Variants in DKK4 observed in about 807,000 individuals in gnomAD.
The protein encoded by DKK4 is dickkopf Wnt signaling pathway inhibitor 4.
In DKK4, 15 loss-of-function variants were observed where a neutral mutation model predicts 14.5. That is an observed-to-expected ratio of 1.03 (90% confidence interval 0.69 to 1.59). The LOEUF is 1.59. Among genes scored for constraint, DKK4 ranks in the 40% most tolerant of loss-of-function variants. The pLI, the probability that DKK4 is intolerant of heterozygous loss-of-function variation, is 0.00. For missense variants in DKK4, 272 were observed against 280.3 expected, an observed-to-expected ratio of 0.97 and a Z score of 0.21; for synonymous variants, 89 against 105.2, an observed-to-expected ratio of 0.85 and a Z score of 0.94.
chr8:42,388,471 C>A, the DKK4 span, among the ~76,000 whole-genome samples: 3 of 149,584 alleles, frequency 2.0e-5, no homozygotes, highest in Non-Finnish European at 4.4e-5. Context: ...CTCGGGTGAT[C>A]CACCCGCCCG....
At chr8:42,376,381 T>C (rs1426261956) in intron 1 of DKK4, among the ~76,000 whole-genome samples, 1 of 152,208 alleles carries the variant, frequency 6.6e-6, no homozygotes, top group Admixed American at 6.5e-5. Context: ...AACGTAGGTG[T>C]AGCATATATG....
chr8:42,387,733 G>A, the DKK4 span, among the ~76,000 whole-genome samples: 1 of 152,136 alleles, frequency 6.6e-6, no homozygotes, highest in Non-Finnish European at 1.5e-5. Flanking sequence ...TAGAGGGACA[G>A]GAAGCAAAGG....
intron 3 of DKK4, 152 bp from the exon 4 acceptor site, chr8:42,374,511 T>G: frequency 8.8e-7 from 1 of 1,139,766 alleles, no homozygotes; most frequent in Middle Eastern, 2.8e-4. Context: ...GGTGTTACGC[T>G]AAAAGCAGTA....
upstream of DKK4, among the ~76,000 whole-genome samples, chr8:42,380,920 A>G (rs1824668796): frequency 6.8e-6 from 1 of 146,450 alleles, no homozygotes; most frequent in African/African-American, 2.6e-5. Context: ...AGAAAGAAAG[A>G]AAAAGAAAGA....
At chr8:42,382,008 C>T (rs979434470), upstream of DKK4, among the ~76,000 whole-genome samples, 1 of 152,092 alleles carries the variant, frequency 6.6e-6, no homozygotes, top group African/African-American at 2.4e-5. Context: ...AAAACAAAAA[C>T]AAAAACACGA....
intron 2 of DKK4, among the ~76,000 whole-genome samples, chr8:42,375,322 C>T (rs781277502): frequency 5.3e-5 from 8 of 152,072 alleles, no homozygotes; most frequent in African/African-American, 1.2e-4. Flanking sequence ...AGGTGGATCA[C>T]CTGAGGTCAG....
chr8:42,379,415 A>AGAGAG (rs1341775173), upstream of DKK4, among the ~76,000 whole-genome samples: 1 of 132,662 alleles, frequency 7.5e-6, no homozygotes, highest in African/African-American at 2.9e-5. Context: ...AGAGAGAGAG[A>AGAGAG]GAGAGAGAGA....
At chr8:42,380,319 T>G (rs1824648781), upstream of DKK4, among the ~76,000 whole-genome samples, 1 of 149,550 alleles carries the variant, frequency 6.7e-6, no homozygotes, top group African/African-American at 2.5e-5. Context: ...AGCGAGACCC[T>G]GTCCTCCCAC....
At chr8:42,380,651 AAAGG>A (rs142087176), upstream of DKK4, among the ~76,000 whole-genome samples, 23,216 of 132,200 alleles carry the variant, frequency 0.18, 4,052 homozygotes, top group African/African-American at 0.53. Flanking sequence ...AAAGTGAGAG[AAAGG>A]AAGGAAGAAA....
chr8:42,377,063 C>T lies in DKK4; in HGVS notation c.-18G>A. The T allele has an allele frequency of 1.2e-6, 2 of 1,605,956 alleles. No individual in the cohort carries two copies. Among genetic ancestry groups the T allele is most frequent in the Non-Finnish European group, 8.5e-7 (1 of 1,176,208 alleles). On this transcript the variant is annotated 5_prime_UTR_variant, in exon 1 of 4. Coordinates refer to ENST00000220812, the MANE Select transcript of DKK4 (RefSeq NM_014420.3). ...GCCACCATCCTTCAATCCCGGGGCTCCTGGAGGGTCCCAGCACTGTGCGTC... is the reference window on the plus strand; with the variant it reads ...GCCACCATCCTTCAATCCCGGGGCTTCTGGAGGGTCCCAGCACTGTGCGTC...
upstream of DKK4, among the ~76,000 whole-genome samples, chr8:42,380,727 G>T (rs933748259): frequency 6.8e-6 from 1 of 147,236 alleles, no homozygotes; most frequent in Admixed American, 6.8e-5. Context: ...AGGAAAAAAG[G>T]AAGGAAGGAG....
the DKK4 span, among the ~76,000 whole-genome samples, chr8:42,386,931 A>G: frequency 6.6e-6 from 1 of 152,208 alleles, no homozygotes; most frequent in Non-Finnish European, 1.5e-5. Context: ...GAGTAAAACT[A>G]TACTAAACTT....
chr8:42,381,013 G>C (rs1824671028), upstream of DKK4, among the ~76,000 whole-genome samples: 1 of 152,184 alleles, frequency 6.6e-6, no homozygotes. Context: ...GCACAATGCT[G>C]GTGGCAGTAT....
At chr8:42,384,744 G>A in the DKK4 span, among the ~76,000 whole-genome samples, 2 of 152,052 alleles carry the variant, frequency 1.3e-5, no homozygotes, top group Non-Finnish European at 2.9e-5. Context: ...CCCACAACGA[G>A]GGGGCTGCAG....
chr8:42,390,355 T>C, the DKK4 span, among the ~76,000 whole-genome samples: 2 of 145,562 alleles, frequency 1.4e-5, no homozygotes, highest in African/African-American at 5.1e-5. Context: ...TATCTTTTGC[T>C]TCCTTTTTTT....
the DKK4 span, among the ~76,000 whole-genome samples, chr8:42,387,226 T>C: frequency 7.9e-5 from 12 of 151,980 alleles, no homozygotes; most frequent in Admixed American, 7.9e-4. Context: ...TATCAGGATT[T>C]GGACTGAGAA....
chr8:42,390,426 C>G, the DKK4 span, among the ~76,000 whole-genome samples: 1 of 139,028 alleles, frequency 7.2e-6, no homozygotes, highest in Non-Finnish European at 1.5e-5. Context: ...TGCAGTGGCG[C>G]GATCTCGGCT....
chr8:42,384,974 T>G, the DKK4 span, among the ~76,000 whole-genome samples: 3 of 152,332 alleles, frequency 2.0e-5, no homozygotes, highest in Admixed American at 2.0e-4. Context: ...AGCTAGAGCT[T>G]CACTAGGAAG....
chr8:42,382,322 C>A, the DKK4 span, among the ~76,000 whole-genome samples: 1 of 152,224 alleles, frequency 6.6e-6, no homozygotes, highest in Non-Finnish European at 1.5e-5. Context: ...AGAATGCCAA[C>A]AACTGAAATG....
Sources: gnomAD v4.1 joint callset for allele counts (sites outside exome capture counted in the v4.1 genomes callset) on GRCh38, gnomAD v4.1.1 for gene constraint, MANE v1.5 for transcripts, NCBI Gene and HGNC (gene_info 2026-07-23, HGNC 2026-07-21) for gene names.